BABAM2: variants seen among roughly 807,000 people sequenced by gnomAD.
The protein encoded by BABAM2 is BRISC and BRCA1 A complex member 2.
BABAM2 carries 31 observed loss-of-function variants against 54.7 expected under a neutral mutation model. The observed-to-expected ratio is 0.57, with a 90% CI of 0.43 to 0.77. BABAM2 has a LOEUF of 0.77. BABAM2 is among the 30% of genes least tolerant of loss of function. The pLI is 0.00. For synonymous variants in BABAM2, 167 were observed against 162.9 expected, an observed-to-expected ratio of 1.03 and a Z score of -0.19; for missense variants, 364 against 455.8, an observed-to-expected ratio of 0.80 and a Z score of 1.83.
At chr2:28,300,231 G>T (rs756445558) in intron 11 of BABAM2, among the ~76,000 whole-genome samples, 1 of 152,140 alleles carries the variant, frequency 6.6e-6, no homozygotes, top group Non-Finnish European at 1.5e-5. Flanking sequence ...GAGCCACTGC[G>T]CCCAGCCTGA....
intron 10 of BABAM2, among the ~76,000 whole-genome samples, chr2:28,265,523 G>A (rs2148145768): frequency 6.6e-6 from 1 of 152,302 alleles, no homozygotes; most frequent in Non-Finnish European, 1.5e-5. Flanking sequence ...AGCTGCTCCA[G>A]TAGTCCCCTC....
chr2:27,892,973 C>G (rs1573098382), intron 1 of BABAM2, among the ~76,000 whole-genome samples: 2 of 152,096 alleles, frequency 1.3e-5, no homozygotes, highest in East Asian at 3.8e-4. Flanking sequence ...TTTGAGCTAT[C>G]AAATTAGCAA....
chr2:27,935,382 G>A (rs1668416991), intron 3 of BABAM2, among the ~76,000 whole-genome samples: 2 of 152,202 alleles, frequency 1.3e-5, no homozygotes, highest in South Asian at 4.1e-4. Flanking sequence ...GTTGGAAATA[G>A]CAAGAGAACT....
At chr2:28,028,135 G>A (rs963912837) in intron 5 of BABAM2, among the ~76,000 whole-genome samples, 1 of 152,044 alleles carries the variant, frequency 6.6e-6, no homozygotes, top group Non-Finnish European at 1.5e-5. Flanking sequence ...AATAGTTGGC[G>A]TAGTTCAGTT....
chr2:28,042,242 G>C (rs1261220730), intron 5 of BABAM2, among the ~76,000 whole-genome samples: 1 of 152,140 alleles, frequency 6.6e-6, no homozygotes, highest in South Asian at 2.1e-4. Flanking sequence ...TTGGATAAAT[G>C]AAATTTGAAT....
At chr2:28,244,338 C>T (rs1315426218) in intron 9 of BABAM2, among the ~76,000 whole-genome samples, 1 of 152,202 alleles carries the variant, frequency 6.6e-6, no homozygotes, top group Non-Finnish European at 1.5e-5. Context: ...TTAACAATCA[C>T]TGTACAGGTA....
intron 5 of BABAM2, among the ~76,000 whole-genome samples, chr2:28,031,299 G>A (rs1676275843): frequency 6.6e-6 from 1 of 152,194 alleles, no homozygotes; most frequent in Admixed American, 6.5e-5. Context: ...TTCGTGGAAT[G>A]TCACAGGGCT....
intron 2 of BABAM2, chr2:27,896,850 C>T (rs1232214435): frequency 4.7e-6 from 1 of 213,268 alleles, no homozygotes. Flanking sequence ...CCATTGCTTC[C>T]CAGGTGACAG....
intron 7 of BABAM2, among the ~76,000 whole-genome samples, chr2:28,228,115 T>C (rs78020182): frequency 0.022 from 3,370 of 152,330 alleles, 105 homozygotes; most frequent in African/African-American, 0.077. Flanking sequence ...CAAGGAGCAC[T>C]TTGGAAACCT....
chr2:28,156,725 A>G (rs1303587352), intron 7 of BABAM2, among the ~76,000 whole-genome samples: 2 of 152,192 alleles, frequency 1.3e-5, no homozygotes, highest in African/African-American at 4.8e-5. Context: ...TGAAGCAGAC[A>G]TATGGAATTT....
intron 7 of BABAM2, among the ~76,000 whole-genome samples, chr2:28,169,006 ACTTAG>A (rs1407169242): frequency 6.6e-6 from 1 of 152,176 alleles, no homozygotes; most frequent in Non-Finnish European, 1.5e-5. Flanking sequence ...CTGATGAAAG[ACTTAG>A]CTTAGCTCCA....
At chr2:27,949,067 G>A (rs1429491645) in intron 3 of BABAM2, among the ~76,000 whole-genome samples, 3 of 152,172 alleles carry the variant, frequency 2.0e-5, no homozygotes, top group Non-Finnish European at 2.9e-5. Flanking sequence ...GCTGCTGTGC[G>A]AAGACTCTCA....
intron 6 of BABAM2, among the ~76,000 whole-genome samples, chr2:28,109,437 C>T (rs1325499378): frequency 6.6e-6 from 1 of 152,086 alleles, no homozygotes; most frequent in African/African-American, 2.4e-5. Flanking sequence ...ATCTGCCCAC[C>T]TTGGCCTCCC....
chr2:28,298,302 G>T, intron 10 of BABAM2, 36 bp from the exon 11 acceptor site: 2 of 1,602,486 alleles, frequency 1.2e-6, no homozygotes, highest in Non-Finnish European at 8.5e-7. Flanking sequence ...ATGTGTTTAT[G>T]CTCTAACTTT....
At chr2:28,141,020 A>C (rs1440500362) in intron 7 of BABAM2, among the ~76,000 whole-genome samples, 2 of 152,024 alleles carry the variant, frequency 1.3e-5, no homozygotes, top group African/African-American at 4.8e-5. Context: ...AAGCCCTCAT[A>C]TCTCTTCTTT....
intron 2 of BABAM2, among the ~76,000 whole-genome samples, chr2:27,903,321 A>G (rs967581715): frequency 5.3e-5 from 8 of 152,164 alleles, no homozygotes; most frequent in African/African-American, 1.9e-4. Context: ...ATCTTGTTCT[A>G]ATTCTTAAAA....
chr2:28,023,863 G>A (rs1221639868), intron 4 of BABAM2, among the ~76,000 whole-genome samples: 1 of 152,122 alleles, frequency 6.6e-6, no homozygotes, highest in Admixed American at 6.5e-5. Flanking sequence ...TCAAAGTGTG[G>A]TCTGCAGACC....
rs933833592 is a variant in BABAM2 at position 28,033,672 on chromosome 2, A to G, written c.495+8252A>G. 1.2e-4 allele frequency among the ~76,000 whole-genome samples: 19 copies of G among 152,200 alleles called. 1 individual carries two copies. The highest frequency in any genetic ancestry group is 3.6e-4 in the African/African-American group (15 of 41,442). On this transcript the variant is annotated intron_variant, in intron 5 of 11. Coordinates refer to ENST00000379624, the MANE Select transcript of BABAM2 (RefSeq NM_199191.3). ...TTTCAGCATGAGTTTTGGAGAGGAC[A>G]GATATTCAAACACAGTGTTTATTAA...
chr2:28,107,566 T>C (rs79667436), intron 6 of BABAM2, among the ~76,000 whole-genome samples: 32,210 of 152,072 alleles, frequency 0.21, 4,342 homozygotes, highest in Middle Eastern at 0.33. Flanking sequence ...TCCACCCCCT[T>C]ATCCTTTTTA....
Sources: allele counts gnomAD v4.1 joint callset (sites outside exome capture counted in the v4.1 genomes callset), GRCh38; gene constraint gnomAD v4.1.1; transcripts MANE v1.5; gene names NCBI Gene and HGNC (gene_info 2026-07-23, HGNC 2026-07-21).